Variants in IQGAP2 observed in about 807,000 individuals in gnomAD.
IQGAP2 encodes IQ motif containing GTPase activating protein 2.
A neutral mutation model predicts 201.3 loss-of-function variants in IQGAP2; 173 were observed. The ratio of observed to expected loss-of-function variants is 0.86; its 90% CI spans 0.76 to 0.98. The LOEUF (loss-of-function observed/expected upper bound fraction) is 0.98, where lower values mean the gene tolerates loss of function less well. Among genes scored for constraint, IQGAP2 ranks in the 50% least tolerant of loss-of-function variants. IQGAP2 has a pLI of 0.00. For synonymous variants in IQGAP2, 675 were observed against 673.9 expected, an observed-to-expected ratio of 1.00 and a Z score of -0.03; for missense variants, 1,687 against 1,864.8, an observed-to-expected ratio of 0.90 and a Z score of 1.76.
intron 17 of IQGAP2, among the ~76,000 whole-genome samples, chr5:76,642,089 A>T (rs1751633042): frequency 6.6e-6 from 1 of 152,216 alleles, no homozygotes; most frequent in Non-Finnish European, 1.5e-5. Context: ...GGATTTTTCT[A>T]GGTGGGCCAA....
Position 76,623,464 on chromosome 5 carries a change from G to A in IQGAP2, c.1522-3946G>A, listed in dbSNP as rs566533300. ...CAGGCCAAGCCTCTGAACGTGTTAC[G>A]TTATCCCTGGAGAAAGGCATTTAAC... On this transcript the variant is annotated intron_variant, in intron 13 of 35. Transcript: ENST00000274364. 3.1e-5 allele frequency: 16 copies of A among 522,734 alleles called. 1 individual carries two copies. In the South Asian group the frequency reaches 3.7e-4, roughly 12 times the overall value. 32.4% of individuals were successfully genotyped at this position (522,734 alleles called of 1,614,324 possible). A position where few individuals can be genotyped will look rare whatever the true frequency, so the allele number is the denominator to read the frequency against.
At chr5:76,596,786 A>G (rs958993590) in intron 9 of IQGAP2, among the ~76,000 whole-genome samples, 3 of 152,178 alleles carry the variant, frequency 2.0e-5, no homozygotes, top group Non-Finnish European at 2.9e-5. Context: ...ATCATCTTCC[A>G]CCAGATCCCT....
At position 76,618,124 on chromosome 5, in the gene IQGAP2, T is replaced by C. The variant is rs141630366; in HGVS notation, c.1521+6941T>C. On this transcript the variant is annotated intron_variant, in intron 13 of 35. Transcript: ENST00000274364. ...CCCCGGTAGGTGAAAGGATGGACGA[T>C]GGCCAGGTAGCGGTTGATGCTGATG... 1.4e-4 allele frequency: 218 copies of C among 1,614,134 alleles called. No individual in the cohort carries two copies. In the East Asian group the frequency reaches 4.4e-3, roughly 33 times the overall value.
chr5:76,438,023 TTTTTTTTG>T (rs1561371522), intron 1 of IQGAP2, among the ~76,000 whole-genome samples: 2 of 54,504 alleles, frequency 3.7e-5, no homozygotes, highest in African/African-American at 1.3e-4. Flanking sequence ...TTTTTTTTTT[TTTTTTTTG>T]TTTGTTTTTT....
intron 21 of IQGAP2, among the ~76,000 whole-genome samples, chr5:76,662,965 A>T (rs1207516431): frequency 6.6e-6 from 1 of 152,160 alleles, no homozygotes; most frequent in Non-Finnish European, 1.5e-5. Flanking sequence ...AAAATCATGG[A>T]CCTGGAAGGC....
At chr5:76,517,691 G>C (rs1758420218) in intron 2 of IQGAP2, among the ~76,000 whole-genome samples, 1 of 151,992 alleles carries the variant, frequency 6.6e-6, no homozygotes, top group African/African-American at 2.4e-5. Flanking sequence ...CAGAGGAGTT[G>C]GGAATTGGGA....
At chr5:76,605,809 A>G (rs1030837030) in intron 11 of IQGAP2, among the ~76,000 whole-genome samples, 1 of 152,192 alleles carries the variant, frequency 6.6e-6, no homozygotes, top group African/African-American at 2.4e-5. Flanking sequence ...GTAACTCTGA[A>G]TTTTGCCCTG....
intron 17 of IQGAP2, among the ~76,000 whole-genome samples, chr5:76,643,130 A>G (rs933818372): frequency 1.3e-5 from 2 of 152,232 alleles, no homozygotes; most frequent in African/African-American, 2.4e-5. Flanking sequence ...CTTCCAGAAG[A>G]CAGGAGAAAA....
chr5:76,579,183 C>G (rs1295161399), intron 5 of IQGAP2, among the ~76,000 whole-genome samples: 1 of 152,136 alleles, frequency 6.6e-6, no homozygotes, highest in Admixed American at 6.5e-5. Flanking sequence ...ACCCATACTA[C>G]AAGTTTCACT....
At chr5:76,510,551 G>T (rs1045717112) in intron 2 of IQGAP2, 22 of 447,322 alleles carry the variant, frequency 4.9e-5, no homozygotes, top group African/African-American at 4.2e-4. Context: ...CCCCGCCAAG[G>T]TATAGAGTCT....
chr5:76,688,169 A>G (rs1745953505), intron 30 of IQGAP2, among the ~76,000 whole-genome samples: 1 of 152,226 alleles, frequency 6.6e-6, no homozygotes, highest in Non-Finnish European at 1.5e-5. Flanking sequence ...AAATCGGACA[A>G]TGACTTTTAT....
At chr5:76,473,764 C>A (rs1755256465) in intron 2 of IQGAP2, among the ~76,000 whole-genome samples, 1 of 152,174 alleles carries the variant, frequency 6.6e-6, no homozygotes. Context: ...CATCAATTAT[C>A]TTTTTGGTTT....
At chr5:76,659,069 A>G (rs1475723646) in intron 21 of IQGAP2, among the ~76,000 whole-genome samples, 1 of 152,194 alleles carries the variant, frequency 6.6e-6, no homozygotes, top group Non-Finnish European at 1.5e-5. Flanking sequence ...TTGTGGTTAT[A>G]TATGTTCATG....
At chr5:76,638,151 G>T (rs568642145) in intron 16 of IQGAP2, among the ~76,000 whole-genome samples, 1 of 152,292 alleles carries the variant, frequency 6.6e-6, no homozygotes, top group East Asian at 1.9e-4. Flanking sequence ...GGGAACATTT[G>T]TTATTTTAAA....
At chr5:76,476,877 G>T (rs1561400307) in intron 2 of IQGAP2, among the ~76,000 whole-genome samples, 1 of 152,158 alleles carries the variant, frequency 6.6e-6, no homozygotes, top group South Asian at 2.1e-4. Context: ...GACCCAGGTA[G>T]CTGTGTGATA....
At chr5:76,660,852 G>T (rs751322663) in intron 21 of IQGAP2, among the ~76,000 whole-genome samples, 3 of 152,144 alleles carry the variant, frequency 2.0e-5, no homozygotes, top group African/African-American at 7.2e-5. Context: ...AGTGGGAAAC[G>T]ACCTGAAGCC....
intron 1 of IQGAP2, among the ~76,000 whole-genome samples, chr5:76,427,530 T>C (rs981505815): frequency 2.6e-5 from 4 of 152,218 alleles, no homozygotes; most frequent in African/African-American, 4.8e-5. Context: ...AACTATTTTT[T>C]CAAAATTTCT....
At chr5:76,408,191 T>A (rs1303946876) in intron 1 of IQGAP2, among the ~76,000 whole-genome samples, 1 of 152,084 alleles carries the variant, frequency 6.6e-6, no homozygotes, top group East Asian at 1.9e-4. Context: ...TACAAACAGA[T>A]CTAATGCTTA....
At chr5:76,632,922 A>G (rs1056694709) in intron 15 of IQGAP2, among the ~76,000 whole-genome samples, 2 of 152,038 alleles carry the variant, frequency 1.3e-5, no homozygotes, top group African/African-American at 4.8e-5. Context: ...CTTAAAATTC[A>G]GTTAATTTTC....
Sources: gnomAD v4.1 joint callset for allele counts (sites outside exome capture counted in the v4.1 genomes callset) on GRCh38, gnomAD v4.1.1 for gene constraint, MANE v1.5 for transcripts, NCBI Gene and HGNC (gene_info 2026-07-23, HGNC 2026-07-21) for gene names.